The following BRCA1 variants were observed in gnomAD, a reference collection of about 807,000 sequenced individuals.
BRCA1 encodes the protein BRCA1 DNA repair associated.
Under a neutral mutation model 173.7 loss-of-function variants are expected in BRCA1, and 140 were observed. That is an observed-to-expected ratio of 0.81 (90% CI 0.70 to 0.93). The LOEUF (loss-of-function observed/expected upper bound fraction) is 0.93. Among genes scored for constraint, BRCA1 ranks in the 40% least tolerant of loss-of-function variants. BRCA1 has a pLI of 0.00. For missense variants in BRCA1, 1,983 were observed against 2,172.5 expected (o/e 0.91, Z 1.73); for synonymous variants, 662 against 756.0 (o/e 0.88, Z 2.04).
At chr17:43,088,505 T>C (rs1007215453) in intron 11 of BRCA1, among the ~76,000 whole-genome samples, 2 of 152,188 alleles carry the variant, frequency 1.3e-5, no homozygotes, top group Admixed American at 6.5e-5. Context: ...GTCCGGTTTA[T>C]TTCAGTTAAC....
At chr17:43,098,202 A>G (rs1316491572) in intron 7 of BRCA1, among the ~76,000 whole-genome samples, 3 of 151,368 alleles carry the variant, frequency 2.0e-5, no homozygotes, top group Admixed American at 2.0e-4. Flanking sequence ...TTTAAAAAAG[A>G]AATTTTTTTG....
intron 3 of BRCA1, among the ~76,000 whole-genome samples, chr17:43,112,809 G>T (rs1420256025): frequency 1.8e-4 from 24 of 133,058 alleles, no homozygotes; most frequent in South Asian, 9.6e-4. Context: ...GTTTTTTGTT[G>T]TTTTTTTTTT....
At chr17:43,135,205 T>G (rs2056007526) in intron 1 of BRCA1, among the ~76,000 whole-genome samples, 1 of 152,240 alleles carries the variant, frequency 6.6e-6, no homozygotes, top group Non-Finnish European at 1.5e-5. Flanking sequence ...CCAGAAGGCC[T>G]TCTCTGGTGC....
rs8176109 is a variant in BRCA1, at chr17:43,113,759, A to G, written c.134+1967T>C. On this transcript the variant is annotated intron_variant, in intron 3 of 22. Transcript: ENST00000357654. ...TTCCACAAGTTCTCAAAGCAACTAT[A>G]TTCATAACTTAATCTCTCTTTTTTT... Among the ~76,000 whole-genome samples the G allele has an allele frequency of 0.32, 48,126 of 152,028 alleles. 7,954 individuals carry two copies. The highest frequency in any genetic ancestry group is 0.49 in the South Asian group (2,373 of 4,818).
chr17:43,081,957 G>A (rs773898225), intron 12 of BRCA1, among the ~76,000 whole-genome samples: 5 of 152,194 alleles, frequency 3.3e-5, no homozygotes, highest in African/African-American at 4.8e-5. Context: ...GTGGATCAAA[G>A]TGCAGTTCCT....
intron 1 of BRCA1, among the ~76,000 whole-genome samples, chr17:43,165,389 C>T (rs1355336081): frequency 6.6e-6 from 1 of 151,872 alleles, no homozygotes; most frequent in African/African-American, 2.4e-5. Context: ...TATTTTTAAC[C>T]TTTTAATGTA....
intron 2 of BRCA1, among the ~76,000 whole-genome samples, chr17:43,123,697 G>A (rs534821636): frequency 4.6e-5 from 7 of 152,264 alleles, no homozygotes; most frequent in African/African-American, 1.7e-4. Context: ...TTGTTTTAGA[G>A]CTGGAAGAAA....
intron 1 of BRCA1, among the ~76,000 whole-genome samples, chr17:43,156,121 T>C (rs1418945010): frequency 2.6e-5 from 4 of 151,730 alleles, no homozygotes; most frequent in African/African-American, 9.7e-5. Flanking sequence ...CCTGTAGTCC[T>C]GGCTACTCGG....
chr17:43,111,000 C>T (rs1001947603), intron 3 of BRCA1, among the ~76,000 whole-genome samples: 5 of 151,176 alleles, frequency 3.3e-5, no homozygotes, highest in African/African-American at 1.2e-4. Context: ...ACTTGGGAGG[C>T]TGAGGCAGGA....
At position 43,094,329 on chromosome 17, in the gene BRCA1, C is replaced by G. The variant is rs397507184; in HGVS notation, c.1202G>C (p.Gly401Ala). 1.2e-6 allele frequency: 2 copies of G among 1,614,126 alleles called. No individual in the cohort carries two copies. The highest frequency in any genetic ancestry group is 1.7e-6 in the Non-Finnish European group (2 of 1,180,006). ...ELLGSDDSHD[G>A]ESESNAKVAD... ...TACTTTGGCATTTGATTCAGACTCCCCATCATGTGAGTCATCAGAACCTAA... is the reference window on the plus strand; with the variant it reads ...TACTTTGGCATTTGATTCAGACTCCGCATCATGTGAGTCATCAGAACCTAA... The change falls in exon 10 of 23, where the codon GGG becomes GCG. Residue 401 changes from glycine to alanine, a missense_variant. Physicochemically the swap from Gly to Ala is moderately conservative, Grantham distance 60 (BLOSUM62 0). Coordinates refer to ENST00000357654, the MANE Select transcript of BRCA1 (RefSeq NM_007294.4).
At position 43,091,864 on chromosome 17, in the gene BRCA1, G is replaced by C. The variant is rs1555587309; in HGVS notation, c.3667C>G (p.Leu1223Val). ...EENLSSEDEE[L>V]PCFQHLLFGK... is the part of the protein sequence containing the mutation. ...AATAACAAGTGTTGGAAGCAGGGAA[G>C]CTCTTCATCCTCACTAGATAAGTTC... Residue 1223 changes from leucine to valine, a missense_variant, in exon 10 of 23, where the codon CTT (leucine) becomes GTT (valine). Coordinates refer to ENST00000357654, the MANE Select transcript of BRCA1 (RefSeq NM_007294.4). The C allele has an allele frequency of 1.2e-6, 2 of 1,614,156 alleles. No homozygotes were observed. Among genetic ancestry groups the C allele is most frequent in the Non-Finnish European group, 1.7e-6 (2 of 1,180,030 alleles).
chr17:43,123,637 C>T (rs1010957156), intron 2 of BRCA1, among the ~76,000 whole-genome samples: 3 of 152,118 alleles, frequency 2.0e-5, no homozygotes, highest in Non-Finnish European at 2.9e-5. Context: ...CATAAGCCAC[C>T]GCCCTCGGCC....
rs1060504575 is a variant in BRCA1, at chr17:43,099,839, A to G, written c.483T>C (p.Thr161=). The G allele has an allele frequency of 1.9e-6, 3 of 1,613,920 alleles. No individual in the cohort carries two copies. Among genetic ancestry groups the G allele is most frequent in the Non-Finnish European group, 2.5e-6 (3 of 1,179,776 alleles). ...GCTGCTTTGTCCTCAGAGTTCTCAC[A>G]GTTCCAAGGTTAGAGAGTTGGACAC... ...SLSVQLSNLG[T]VRTLRTKQRI... Residue 161 remains threonine (T), a synonymous_variant, in exon 7 of 23, where the codon ACT becomes ACC. Coordinates refer to ENST00000357654, the MANE Select transcript of BRCA1 (RefSeq NM_007294.4).
At position 43,054,114 on chromosome 17, in the gene BRCA1, A is replaced by G. The variant is rs8176288; in HGVS notation, c.5277+2938T>C. 7.4e-4 allele frequency among the ~76,000 whole-genome samples: 112 copies of G among 152,324 alleles called. 4 individuals carry two copies. In the South Asian group the frequency reaches 0.022, roughly 29 times the overall value. On this transcript the variant is annotated intron_variant, in intron 19 of 22. Coordinates refer to ENST00000357654, the MANE Select transcript of BRCA1 (RefSeq NM_007294.4). The stretch of plus-strand genomic sequence containing the variant: ...CATCATTGCTATTCTGCATGGAGGA[A>G]AAAATCCAAAGCACTAGAATTTCTT...
chr17:43,163,405 T>A (rs771157778), intron 1 of BRCA1: 14 of 152,278 alleles, frequency 9.2e-5, no homozygotes, highest in Non-Finnish European at 1.9e-4. Flanking sequence ...TTGTTGGTTG[T>A]AATAGATGTA....
At chr17:43,142,966 GTA>G (rs375636698) in intron 1 of BRCA1, among the ~76,000 whole-genome samples, 2 of 72,926 alleles carry the variant, frequency 2.7e-5, no homozygotes, top group Non-Finnish European at 3.3e-5. Flanking sequence ...GTGTGTGTGT[GTA>G]TATATATGTG....
intron 1 of BRCA1, among the ~76,000 whole-genome samples, chr17:43,169,353 G>A (rs58917957): frequency 1.3e-5 from 2 of 152,108 alleles, no homozygotes; most frequent in East Asian, 1.9e-4. Flanking sequence ...ATTTTTAGTA[G>A]AGACGGGGTT....
intron 9 of BRCA1, among the ~76,000 whole-genome samples, chr17:43,095,250 C>A (rs1567802665): frequency 1.3e-5 from 2 of 152,080 alleles, no homozygotes; most frequent in African/African-American, 4.8e-5. Flanking sequence ...TATTTAAAAA[C>A]CAGTAGGTAA....
intron 6 of BRCA1, 145 bp downstream of exon 6, chr17:43,103,977 C>T (rs1326970904): frequency 1.5e-5 from 15 of 1,010,214 alleles, no homozygotes; most frequent in Middle Eastern, 3.2e-4. Context: ...CATGGTGGCG[C>T]GTGCCTGTAA....
Sources: allele counts gnomAD v4.1 joint callset (sites outside exome capture counted in the v4.1 genomes callset), GRCh38; gene constraint gnomAD v4.1.1; transcripts MANE v1.5; gene names NCBI Gene and HGNC (gene_info 2026-07-23, HGNC 2026-07-21).